The following MYRIP variants were observed in gnomAD, a reference collection of about 807,000 sequenced individuals.
MYRIP encodes myosin VIIA and Rab interacting protein, also known as rab effector MyRIP.
A neutral mutation model predicts 98.0 loss-of-function variants in MYRIP; 49 were observed. The ratio of observed to expected loss-of-function variants is 0.50; its 90% CI spans 0.40 to 0.63. MYRIP has a LOEUF of 0.63. MYRIP is among the 30% of genes least tolerant of loss of function. MYRIP has a pLI of 0.00. For synonymous variants in MYRIP, 404 were observed against 409.5 expected (o/e 0.99, Z 0.16); for missense variants, 1,004 against 1,058.2 (o/e 0.95, Z 0.71).
intron 2 of MYRIP, among the ~76,000 whole-genome samples, chr3:40,029,551 G>A (rs2125816545): frequency 6.6e-6 from 1 of 152,272 alleles, no homozygotes; most frequent in South Asian, 2.1e-4. Flanking sequence ...AAAAGAAGTT[G>A]TAAAAACATA....
At chr3:40,167,365 T>A in intron 7 of MYRIP, 126 bp downstream of exon 7, 1 of 868,246 alleles carries the variant, frequency 1.2e-6, no homozygotes, top group Non-Finnish European at 1.8e-6. Context: ...CTTCTCACTT[T>A]AGACTTTTGT....
intron 2 of MYRIP, among the ~76,000 whole-genome samples, chr3:39,905,345 A>G (rs1018774757): frequency 6.6e-6 from 1 of 152,160 alleles, no homozygotes; most frequent in Admixed American, 6.5e-5. Context: ...CTATATTTCA[A>G]TATATCAGTA....
intron 2 of MYRIP, among the ~76,000 whole-genome samples, chr3:39,929,613 C>T (rs1402972966): frequency 2.0e-5 from 3 of 152,036 alleles, no homozygotes; most frequent in Admixed American, 6.6e-5. Context: ...CTATAATTTA[C>T]ATAGCACAAA....
intron 3 of MYRIP, among the ~76,000 whole-genome samples, chr3:40,143,425 C>A (rs1949949929): frequency 6.6e-6 from 1 of 152,138 alleles, no homozygotes; most frequent in Non-Finnish European, 1.5e-5. Flanking sequence ...CAGCCCTCTC[C>A]CCGCACCTCT....
chr3:39,940,905 A>C (rs1371633254), intron 2 of MYRIP, among the ~76,000 whole-genome samples: 1 of 152,210 alleles, frequency 6.6e-6, no homozygotes, highest in South Asian at 2.1e-4. Context: ...TAACCACTGT[A>C]AAACATTGGT....
At chr3:40,016,894 G>A (rs1298028284) in intron 2 of MYRIP, among the ~76,000 whole-genome samples, 16 of 152,180 alleles carry the variant, frequency 1.1e-4, no homozygotes. Context: ...GAGTTGCTGG[G>A]CAGGGCCAGG....
intron 2 of MYRIP, among the ~76,000 whole-genome samples, chr3:39,958,533 A>G (rs529242635): frequency 6.6e-6 from 1 of 152,210 alleles, no homozygotes; most frequent in Non-Finnish European, 1.5e-5. Flanking sequence ...TTAACTCAAG[A>G]TGGATTAAAG....
rs149637088 is a variant in MYRIP, at chr3:39,927,599, C to T, written c.110+26673C>T. On this transcript the variant is annotated intron_variant, in intron 2 of 16. Coordinates refer to ENST00000302541, the MANE Select transcript of MYRIP (RefSeq NM_015460.4). ...TCCCTGCACCAGATGGATTCACAGC[C>T]GAATTCTGCCAGACATACAGAGAAG... is the stretch of plus-strand genomic sequence containing the variant. Among the ~76,000 whole-genome samples, 900 of 152,014 alleles carry T rather than the reference C, an allele frequency of 5.9e-3. 3 individuals carry two copies. The highest frequency in any genetic ancestry group is 0.014 in the African/African-American group (586 of 41,482).
chr3:40,128,016 AC>A (rs1163925992), intron 3 of MYRIP, among the ~76,000 whole-genome samples: 1 of 152,078 alleles, frequency 6.6e-6, no homozygotes, highest in East Asian at 1.9e-4. Flanking sequence ...CCTCTGAAAA[AC>A]CTAGAATGCT....
chr3:40,158,371 T>C (rs1374903525), intron 4 of MYRIP, among the ~76,000 whole-genome samples: 1 of 152,242 alleles, frequency 6.6e-6, no homozygotes, highest in African/African-American at 2.4e-5. Context: ...CTGTTTGTTA[T>C]AATTTCTGTT....
chr3:39,865,909 T>C (rs932471206), intron 1 of MYRIP, among the ~76,000 whole-genome samples: 4 of 152,156 alleles, frequency 2.6e-5, no homozygotes, highest in African/African-American at 9.7e-5. Flanking sequence ...AGCAAAGTCA[T>C]GGACTCAACC....
intron 5 of MYRIP, among the ~76,000 whole-genome samples, chr3:40,165,726 C>T (rs191562479): frequency 3.2e-3 from 478 of 148,754 alleles, no homozygotes; most frequent in African/African-American, 0.011. Context: ...TGGGGAAGTC[C>T]TTTATTTTCT....
chr3:39,874,808 TG>T (rs1419693124), intron 1 of MYRIP, among the ~76,000 whole-genome samples: 2 of 152,192 alleles, frequency 1.3e-5, no homozygotes, highest in African/African-American at 4.8e-5. Context: ...TTCTCTTTTT[TG>T]GTTGTGTCTC....
chr3:39,961,287 G>A (rs59116225), intron 2 of MYRIP, among the ~76,000 whole-genome samples: 2,657 of 151,874 alleles, frequency 0.017, 68 homozygotes, highest in African/African-American at 0.059. Flanking sequence ...CAGACCCAGA[G>A]AGCAAAGAGA....
At chr3:40,098,798 T>C (rs1948884289) in intron 3 of MYRIP, among the ~76,000 whole-genome samples, 1 of 125,616 alleles carries the variant, frequency 8.0e-6, no homozygotes, top group South Asian at 2.6e-4. Context: ...AGATCAGAGA[T>C]AAAATGACCT....
chr3:39,972,858 T>C (rs528039218), intron 2 of MYRIP, among the ~76,000 whole-genome samples: 23 of 151,840 alleles, frequency 1.5e-4, no homozygotes, highest in African/African-American at 5.3e-4. Flanking sequence ...GACCAAAAAA[T>C]AGTCCATGCC....
intron 1 of MYRIP, among the ~76,000 whole-genome samples, chr3:39,831,337 C>T (rs1217514072): frequency 6.6e-6 from 1 of 152,100 alleles, no homozygotes; most frequent in East Asian, 1.9e-4. Context: ...CTTGACATCT[C>T]CCCCTGGATG....
chr3:40,205,561 A>G (rs1341421002), intron 10 of MYRIP, among the ~76,000 whole-genome samples: 1 of 152,170 alleles, frequency 6.6e-6, no homozygotes, highest in Admixed American at 6.5e-5. Context: ...TGATTTTCAG[A>G]TTACTTAAAA....
At chr3:40,203,283 T>A (rs770985352) in intron 10 of MYRIP, among the ~76,000 whole-genome samples, 2 of 152,034 alleles carry the variant, frequency 1.3e-5, no homozygotes, top group Non-Finnish European at 2.9e-5. Flanking sequence ...TTCAATAAAT[T>A]CCTCAAGAAT....
Sources: allele counts gnomAD v4.1 joint callset (sites outside exome capture counted in the v4.1 genomes callset), GRCh38; gene constraint gnomAD v4.1.1; transcripts MANE v1.5; gene names NCBI Gene and HGNC (gene_info 2026-07-23, HGNC 2026-07-21).